Variants in CPSF6 observed in about 807,000 individuals in gnomAD.
CPSF6 encodes the protein cleavage and polyadenylation specificity factor subunit 6.
Under a neutral mutation model 56.7 loss-of-function variants are expected in CPSF6, and 10 were observed. The observed-to-expected ratio is 0.18, with a 90% confidence interval of 0.11 to 0.30. The LOEUF is 0.30. Ranked by LOEUF, CPSF6 falls within the 10% of genes least tolerant of loss-of-function variation. The pLI is 1.00. For missense variants in CPSF6, 419 were observed against 722.9 expected (o/e 0.58, Z 4.82); for synonymous variants, 248 against 244.8 (o/e 1.01, Z -0.12).
intron 1 of CPSF6, among the ~76,000 whole-genome samples, chr12:69,244,649 C>G (rs1275978328): frequency 6.6e-6 from 1 of 152,016 alleles, no homozygotes; most frequent in Non-Finnish European, 1.5e-5. Context: ...TTGCCTCAGC[C>G]TCCCAAAGGA....
At position 69,259,413 on chromosome 12, in the gene CPSF6, G is replaced by A. The variant is rs1428627644; in HGVS notation, c.1200-15G>A. The A allele has an allele frequency of 6.2e-6, 10 of 1,608,462 alleles. No individual in the cohort carries two copies. Among genetic ancestry groups the A allele is most frequent in the Non-Finnish European group, 8.5e-6 (10 of 1,177,740 alleles). ...CTGTTGAGTATGAGTTAAGGTTTAT[G>A]TTTTTGTTTTACAGGGAAATGGATA... is the stretch of plus-strand genomic sequence containing the variant. On this transcript the variant is annotated splice_polypyrimidine_tract_variant and intron_variant, in intron 6 of 9. Transcript: ENST00000435070.
chr12:69,250,379 GTTAC>G lies in CPSF6; in HGVS notation c.61-746_61-743del, dbSNP rs1872170152. ...AGAGTATTTCCAAGGAAAGTTTCATGTTACTTATTTTGTTTCCATGTCTTTTTCC... is the reference window on the plus strand; with the variant it reads ...AGAGTATTTCCAAGGAAAGTTTCATGTTATTTTGTTTCCATGTCTTTTTCC... On this transcript the variant is annotated intron_variant, in intron 1 of 9. Coordinates refer to ENST00000435070, the MANE Select transcript of CPSF6 (RefSeq NM_007007.3). Among the ~76,000 whole-genome samples, 5 of 151,580 alleles carry G rather than the reference GTTAC, an allele frequency of 3.3e-5. No individual in the cohort carries two copies. The South Asian group carries it at 1.0e-3, about 31-fold the overall frequency.
intron 1 of CPSF6, among the ~76,000 whole-genome samples, chr12:69,246,716 TC>T (rs1871928819): frequency 6.6e-6 from 1 of 152,186 alleles, no homozygotes; most frequent in African/African-American, 2.4e-5. Flanking sequence ...AAATGTAACT[TC>T]CCCCCTTCAT....
At chr12:69,240,434 C>A (rs1192899403) in intron 1 of CPSF6, among the ~76,000 whole-genome samples, 2 of 152,128 alleles carry the variant, frequency 1.3e-5, no homozygotes, top group African/African-American at 4.8e-5. Context: ...CTCATTAATC[C>A]AGGGCTTGCA....
At chr12:69,248,430 C>T (rs144603496) in intron 1 of CPSF6, among the ~76,000 whole-genome samples, 65 of 152,198 alleles carry the variant, frequency 4.3e-4, no homozygotes, top group Non-Finnish European at 7.6e-4. Flanking sequence ...TGTTCAGAAC[C>T]GGATTGCAAG....
intron 1 of CPSF6, among the ~76,000 whole-genome samples, chr12:69,250,525 A>G (rs1212383872): frequency 2.0e-5 from 3 of 149,164 alleles, no homozygotes; most frequent in Non-Finnish European, 4.4e-5. Context: ...AGGCCGAGGC[A>G]GGAGGATTGC....
Position 69,273,277 on chromosome 12 carries a change from T to G in CPSF6, c.*3769T>G. 2.5e-6 allele frequency: 1 copy of G among 395,008 alleles called. No individual in the cohort carries two copies. Among genetic ancestry groups the G allele is most frequent in the Non-Finnish European group, 5.2e-6 (1 of 194,016 alleles). 24.5% of individuals were successfully genotyped at this position (395,008 alleles called of 1,614,324 possible). On this transcript the variant is annotated 3_prime_UTR_variant, in exon 10 of 10. Transcript: ENST00000435070. ...TTAGGTTTGTCTTAACCAATGTTCT[T>G]TTTTTAGAATTTCAGGTTGTGGCAT... is the stretch of plus-strand genomic sequence containing the variant.
In CPSF6 at chr12:69,271,290, A is replaced by G. The variant is rs1174824741; in HGVS notation, c.*1782A>G. On this transcript the variant is annotated 3_prime_UTR_variant, in exon 10 of 10. Transcript: ENST00000435070. ...GTATCAAAATTTTCCTGTTTTCTGTATATTGTTGTGTCATTTCTTGGCTTT... is the reference window on the plus strand; with the variant it reads ...GTATCAAAATTTTCCTGTTTTCTGTGTATTGTTGTGTCATTTCTTGGCTTT... The G allele has an allele frequency of 1.3e-5, 2 of 152,098 alleles. No homozygotes were observed. Among genetic ancestry groups the G allele is most frequent in the African/African-American group, 4.8e-5 (2 of 41,396 alleles). The allele number at this position is 152,098 out of a possible 1,614,324, so 9.4% of individuals were successfully genotyped here.
rs1335686660 is a variant in CPSF6 at position 69,272,894 on chromosome 12, GTGTA to G, written c.*3389_*3392del. ...AGTGTGTGTGTGTGTGTGTGTGTGT[GTGTA>G]TGCGTTTTTTTAACCTTAACTTCAG... On this transcript the variant is annotated 3_prime_UTR_variant, in exon 10 of 10. Coordinates refer to ENST00000435070, the MANE Select transcript of CPSF6 (RefSeq NM_007007.3). 1 of 218,792 alleles carries G rather than the reference GTGTA, an allele frequency of 4.6e-6. No individual in the cohort carries two copies. Among genetic ancestry groups the G allele is most frequent in the Non-Finnish European group, 9.4e-6 (1 of 106,202 alleles). 13.6% of individuals were successfully genotyped at this position (218,792 alleles called of 1,614,324 possible).
At chr12:69,240,482 A>G (rs1871556614) in intron 1 of CPSF6, among the ~76,000 whole-genome samples, 1 of 152,136 alleles carries the variant, frequency 6.6e-6, no homozygotes, top group African/African-American at 2.4e-5. Context: ...CTTTGTGATG[A>G]AAATACCTGT....
intron 9 of CPSF6, among the ~76,000 whole-genome samples, chr12:69,267,341 T>C (rs542645093): frequency 6.6e-6 from 1 of 152,022 alleles, no homozygotes; most frequent in Non-Finnish European, 1.5e-5. Flanking sequence ...TCTCTGTGTG[T>C]TGAAATTTTA....
Position 69,270,027 on chromosome 12 carries a change from GACA to G in CPSF6, c.*523_*525del, listed in dbSNP as rs1873169477. 1.3e-5 allele frequency: 2 copies of G among 152,380 alleles called. No homozygotes were observed. The highest frequency in any genetic ancestry group is 4.8e-5 in the African/African-American group (2 of 41,522). 9.4% of individuals were successfully genotyped at this position (152,380 alleles called of 1,614,324 possible). A position where few individuals can be genotyped will look rare whatever the true frequency, so the allele number is the denominator to read the frequency against. Reference sequence around the variant, plus strand: ...CAATATCTAAAGATAATGTTACTATGACAACATTTTTACTGTCCTTTAAAGCAT... The same window carrying G: ...CAATATCTAAAGATAATGTTACTATGACATTTTTACTGTCCTTTAAAGCAT... On this transcript the variant is annotated 3_prime_UTR_variant, in exon 10 of 10. Coordinates refer to ENST00000435070, the MANE Select transcript of CPSF6 (RefSeq NM_007007.3).
chr12:69,262,793 T>G (rs1002554054), intron 9 of CPSF6, among the ~76,000 whole-genome samples: 1 of 152,180 alleles, frequency 6.6e-6, no homozygotes, highest in African/African-American at 2.4e-5. Context: ...AGGTTTCAAA[T>G]AGTTAATGGT....
In CPSF6 at chr12:69,255,807, G is replaced by A. The variant is rs137864276; in HGVS notation, c.375-890G>A. 5.7e-3 allele frequency among the ~76,000 whole-genome samples: 872 copies of A among 152,276 alleles called. 4 individuals carry two copies. Among genetic ancestry groups the A allele is most frequent in the African/African-American group, 0.02 (832 of 41,562 alleles). ...CTGCCTTGGCCTCCCAAAGTGCTGA[G>A]ATTATAGGCGTGAGCCACTGCACCC... On this transcript the variant is annotated intron_variant, in intron 3 of 9. Coordinates refer to ENST00000435070, the MANE Select transcript of CPSF6 (RefSeq NM_007007.3).
chr12:69,247,122 G>GA (rs34391463), intron 1 of CPSF6, among the ~76,000 whole-genome samples: 83,609 of 151,918 alleles, frequency 0.55, 23,273 homozygotes, highest in East Asian at 0.73. Flanking sequence ...GGTAATTAGG[G>GA]AAAAAATGTC....
At chr12:69,255,459 A>G (rs1484881221) in intron 3 of CPSF6, among the ~76,000 whole-genome samples, 1 of 152,232 alleles carries the variant, frequency 6.6e-6, no homozygotes, top group Non-Finnish European at 1.5e-5. Context: ...GAATTACCAG[A>G]TTATTTGCCA....
At chr12:69,249,168 G>GGGGGC (rs1565644117) in intron 1 of CPSF6, among the ~76,000 whole-genome samples, 1 of 33,908 alleles carries the variant, frequency 2.9e-5, no homozygotes, top group Non-Finnish European at 6.6e-5. Context: ...GGGGGGGGGG[G>GGGGGC]GCTGAGGCAG....
At chr12:69,259,184 A>T in intron 6 of CPSF6, 90 bp downstream of exon 6, 3 of 1,400,300 alleles carry the variant, frequency 2.1e-6, no homozygotes, top group Non-Finnish European at 2.9e-6. Flanking sequence ...TAAATATGTT[A>T]TTTCTGCCTT....
In CPSF6 at chr12:69,254,181, TC is replaced by T. The variant is rs1370463076; in HGVS notation, c.374+1028del. Among the ~76,000 whole-genome samples the T allele has an allele frequency of 9.8e-5, 12 of 123,010 alleles. No individual in the cohort carries two copies. In the East Asian group the frequency reaches 1.2e-3, roughly 12 times the overall value. 80.7% of individuals were successfully genotyped at this position (123,010 alleles called of 152,430 possible). A position where few individuals can be genotyped will look rare whatever the true frequency, so the allele number is the denominator to read the frequency against. ...AGTCTGTACTCCACATAACAGAAGT[TC>T]TAAAAAAAAAATGACATTCTGCTCA... is the stretch of plus-strand genomic sequence containing the variant. On this transcript the variant is annotated intron_variant, in intron 3 of 9. Coordinates refer to ENST00000435070, the MANE Select transcript of CPSF6 (RefSeq NM_007007.3).
Sources: allele counts gnomAD v4.1 joint callset (sites outside exome capture counted in the v4.1 genomes callset), GRCh38; gene constraint gnomAD v4.1.1; transcripts MANE v1.5; gene names NCBI Gene and HGNC (gene_info 2026-07-23, HGNC 2026-07-21).